The following SLC14A2 variants were observed in gnomAD, a reference collection of about 807,000 sequenced individuals.
The protein encoded by SLC14A2 is solute carrier family 14 member 2.
Under a neutral mutation model 104.6 loss-of-function variants are expected in SLC14A2, and 91 were observed. That is an observed-to-expected ratio of 0.87 (90% CI 0.73 to 1.04). The LOEUF (loss-of-function observed/expected upper bound fraction) is 1.04. Ranked by LOEUF, SLC14A2 falls within the 50% of genes least tolerant of loss-of-function variation. The pLI, the probability that SLC14A2 is intolerant of heterozygous loss-of-function variation, is 0.00. For missense variants in SLC14A2, 1,189 were observed against 1,156.0 expected, an observed-to-expected ratio of 1.03 and a Z score of -0.41; for synonymous variants, 476 against 466.4, an observed-to-expected ratio of 1.02 and a Z score of -0.27.
rs1030978934 is a variant in SLC14A2, at chr18:45,442,536, T to C, written c.-124-40697T>C. On this transcript the variant is annotated intron_variant, in intron 1 of 20. Transcript: ENST00000586448. The stretch of plus-strand genomic sequence containing the variant: ...ATGTCTCTATATCCAAATTTCCTCT[T>C]TTTATTAAGACACAGGTTATGTTGG... 9.8e-5 allele frequency among the ~76,000 whole-genome samples: 15 copies of C among 152,292 alleles called. 1 individual carries two copies. Among genetic ancestry groups the C allele is most frequent in the South Asian group, 4.1e-4 (2 of 4,826 alleles).
chr18:45,667,723 C>T, intron 13 of SLC14A2, 110 bp from the exon 14 acceptor site: 1 of 830,644 alleles, frequency 1.2e-6, no homozygotes, highest in Non-Finnish European at 2.0e-6. Flanking sequence ...AGGTGGCTGG[C>T]TTCCTGCAAA....
chr18:45,483,712 A>G (rs2087540756), intron 2 of SLC14A2, among the ~76,000 whole-genome samples: 1 of 152,186 alleles, frequency 6.6e-6, no homozygotes, highest in Admixed American at 6.5e-5. Context: ...TTCCTTCCTC[A>G]TGCCACCAGG....
intron 1 of SLC14A2, among the ~76,000 whole-genome samples, chr18:45,249,172 T>C (rs956468098): frequency 2.0e-5 from 3 of 152,338 alleles, no homozygotes; most frequent in African/African-American, 7.2e-5. Context: ...TAAGCGTGTT[T>C]GCCTCAGTAT....
chr18:45,367,964 T>C (rs1341281817), intron 1 of SLC14A2, among the ~76,000 whole-genome samples: 1 of 152,290 alleles, frequency 6.6e-6, no homozygotes. Flanking sequence ...AGCTCACTGG[T>C]TGACACCTTG....
intron 1 of SLC14A2, among the ~76,000 whole-genome samples, chr18:45,237,707 G>A (rs1033703550): frequency 6.6e-6 from 1 of 152,178 alleles, no homozygotes; most frequent in Non-Finnish European, 1.5e-5. Context: ...GAAATGCTGA[G>A]AACTCTTGTC....
chr18:45,314,695 T>C (rs1044242881), intron 1 of SLC14A2, among the ~76,000 whole-genome samples: 5 of 152,230 alleles, frequency 3.3e-5, no homozygotes, highest in Admixed American at 6.5e-5. Flanking sequence ...TTTTTTGATG[T>C]ACTAGGTGAG....
At chr18:45,269,316 A>G (rs1048404158) in intron 1 of SLC14A2, among the ~76,000 whole-genome samples, 1 of 152,098 alleles carries the variant, frequency 6.6e-6, no homozygotes, top group African/African-American at 2.4e-5. Context: ...GTAGAAAAAC[A>G]TGATAAGGTT....
At chr18:45,189,187 G>A in the SLC14A2 span, among the ~76,000 whole-genome samples, 1 of 152,200 alleles carries the variant, frequency 6.6e-6, no homozygotes, top group Non-Finnish European at 1.5e-5. Context: ...GGGACTGGAA[G>A]TATGCTCAAA....
intron 1 of SLC14A2, among the ~76,000 whole-genome samples, chr18:45,383,457 G>A (rs193024008): frequency 1.3e-5 from 2 of 152,314 alleles, no homozygotes; most frequent in African/African-American, 4.8e-5. Flanking sequence ...AACCCACTCA[G>A]CCCATAGAAT....
At position 45,625,757 on chromosome 18, in the gene SLC14A2, C is replaced by A; in HGVS notation, c.225C>A (p.Asp75Glu). The A allele has an allele frequency of 2.6e-6, 4 of 1,565,984 alleles. No homozygotes were observed. The highest frequency in any genetic ancestry group is 1.4e-5 in the African/African-American group (1 of 71,672). Residue 75 changes from aspartate to glutamate, a missense_variant, in exon 3 of 20, where the codon GAC becomes GAA. Physicochemically the swap from Asp to Glu is conservative, Grantham distance 45. Transcript: ENST00000255226. ...TCAATGAAAGGAGTAAAAGGAAAGA[C>A]GACGGGGTGGCCCATCGGGACTCAG... Reference protein sequence around the residue: ...EKLNERSKRKDDGVAHRDSAG... With the variant: ...EKLNERSKRKEDGVAHRDSAG...
At chr18:45,390,812 G>C (rs1696683383) in intron 1 of SLC14A2, among the ~76,000 whole-genome samples, 3 of 152,170 alleles carry the variant, frequency 2.0e-5, no homozygotes, top group Admixed American at 2.0e-4. Flanking sequence ...AACCAGGTGA[G>C]ACACTCAATA....
chr18:45,466,051 G>A (rs1469335361), intron 1 of SLC14A2, among the ~76,000 whole-genome samples: 1 of 152,136 alleles, frequency 6.6e-6, no homozygotes, highest in Non-Finnish European at 1.5e-5. Context: ...CACAAGGTCT[G>A]TGGCATAGAG....
intron 2 of SLC14A2, among the ~76,000 whole-genome samples, chr18:45,579,503 T>C (rs1259949115): frequency 2.0e-5 from 3 of 152,250 alleles, no homozygotes; most frequent in African/African-American, 7.2e-5. Context: ...GGCTAGTTAT[T>C]TTCAAATGTT....
chr18:45,580,320 TCAG>T (rs1370157154), intron 2 of SLC14A2, among the ~76,000 whole-genome samples: 3 of 152,214 alleles, frequency 2.0e-5, no homozygotes, highest in African/African-American at 4.8e-5. Flanking sequence ...GTGGTCATCG[TCAG>T]CAGATCTGTC....
chr18:45,259,703 G>C (rs1211765711), intron 1 of SLC14A2, among the ~76,000 whole-genome samples: 1 of 152,092 alleles, frequency 6.6e-6, no homozygotes, highest in African/African-American at 2.4e-5. Context: ...TATTGAAAAT[G>C]GAACCAAGAA....
At chr18:45,529,255 C>G (rs560213170) in intron 2 of SLC14A2, 6 of 152,150 alleles carry the variant, frequency 3.9e-5, no homozygotes, top group Non-Finnish European at 7.4e-5. Context: ...GCTATTTAAC[C>G]TTGTGCAGAA....
chr18:45,333,895 C>A lies in SLC14A2; in HGVS notation c.-125+120704C>A, dbSNP rs185682992. On this transcript the variant is annotated intron_variant, in intron 1 of 20. Coordinates refer to the SLC14A2 transcript ENST00000586448. ...TAATAATCTTTGGAATGTTTTTTAA[C>A]TTAAAAAGTGTCTGTTGAAATTGAT... 1.0e-3 allele frequency among the ~76,000 whole-genome samples: 152 copies of A among 152,242 alleles called. 1 individual carries two copies. Among genetic ancestry groups the A allele is most frequent in the African/African-American group, 3.6e-3 (149 of 41,530 alleles).
At chr18:45,416,624 G>A (rs2086280838) in intron 1 of SLC14A2, among the ~76,000 whole-genome samples, 2 of 152,058 alleles carry the variant, frequency 1.3e-5, no homozygotes, top group Admixed American at 1.3e-4. Flanking sequence ...TATTGTTATT[G>A]TCACTATTAT....
intron 2 of SLC14A2, among the ~76,000 whole-genome samples, chr18:45,511,516 T>C (rs1042620825): frequency 2.6e-5 from 4 of 152,182 alleles, no homozygotes; most frequent in Non-Finnish European, 5.9e-5. Flanking sequence ...CCCACCACCC[T>C]TAGTACACAC....
Sources: gnomAD v4.1 joint callset for allele counts (sites outside exome capture counted in the v4.1 genomes callset) on GRCh38, gnomAD v4.1.1 for gene constraint, MANE v1.5 for transcripts, NCBI Gene and HGNC (gene_info 2026-07-23, HGNC 2026-07-21) for gene names.